Variants in PTPRD observed in about 807,000 individuals in gnomAD.
The protein encoded by PTPRD is protein tyrosine phosphatase receptor type D, also known as receptor-type tyrosine-protein phosphatase delta.
PTPRD carries 34 observed loss-of-function variants against 214.5 expected under a neutral mutation model. The observed-to-expected ratio is 0.16, with a 90% CI of 0.12 to 0.21. The LOEUF is 0.21. PTPRD is among the 10% of genes least tolerant of loss of function. PTPRD has a pLI of 1.00. For synonymous variants in PTPRD, 1,128 were observed against 845.7 expected, an observed-to-expected ratio of 1.33 and a Z score of -5.79; for missense variants, 2,545 against 2,398.7, an observed-to-expected ratio of 1.06 and a Z score of -1.27.
At chr9:10,544,504 C>A (rs954804073) in intron 2 of PTPRD, among the ~76,000 whole-genome samples, 22 of 152,040 alleles carry the variant, frequency 1.4e-4, no homozygotes, top group Non-Finnish European at 2.9e-4. Flanking sequence ...TTAAATGTCT[C>A]TCAATAATGG....
chr9:9,720,719 A>G (rs941454567), intron 7 of PTPRD, among the ~76,000 whole-genome samples: 7 of 152,204 alleles, frequency 4.6e-5, no homozygotes, highest in African/African-American at 1.7e-4. Flanking sequence ...ACTATTCACA[A>G]TAGCAAAGAT....
chr9:9,654,740 A>T (rs1305599048), intron 7 of PTPRD, among the ~76,000 whole-genome samples: 1 of 152,180 alleles, frequency 6.6e-6, no homozygotes, highest in Non-Finnish European at 1.5e-5. Context: ...TTGTCAATTG[A>T]TATCTGCATA....
intron 3 of PTPRD, among the ~76,000 whole-genome samples, chr9:10,143,025 CA>C (rs36127359): frequency 6.6e-6 from 1 of 151,468 alleles, no homozygotes; most frequent in Non-Finnish European, 1.5e-5. Flanking sequence ...ATCACAAGGA[CA>C]AAAAACCAAA....
chr9:8,782,630 C>T (rs1246275125), intron 11 of PTPRD, among the ~76,000 whole-genome samples: 1 of 150,424 alleles, frequency 6.6e-6, no homozygotes, highest in Middle Eastern at 3.2e-3. Context: ...CGGAGTCTCG[C>T]CCCGTTGCCC....
intron 5 of PTPRD, among the ~76,000 whole-genome samples, chr9:9,834,798 C>T (rs545443103): frequency 1.3e-5 from 2 of 152,064 alleles, no homozygotes; most frequent in African/African-American, 4.8e-5. Context: ...AAGATAGCTG[C>T]TAAAGAGGGA....
intron 7 of PTPRD, among the ~76,000 whole-genome samples, chr9:9,611,472 T>C (rs888942352): frequency 5.9e-5 from 9 of 152,116 alleles, no homozygotes; most frequent in African/African-American, 2.2e-4. Flanking sequence ...TATATGTCAA[T>C]AACATCATCT....
intron 39 of PTPRD, among the ~76,000 whole-genome samples, chr9:8,363,630 C>A (rs186659166): frequency 6.6e-6 from 1 of 152,272 alleles, no homozygotes; most frequent in Admixed American, 6.5e-5. Flanking sequence ...ATTCACATTG[C>A]ACTTAACTGG....
intron 3 of PTPRD, among the ~76,000 whole-genome samples, chr9:10,107,280 A>G (rs1591362934): frequency 6.6e-6 from 1 of 152,054 alleles, no homozygotes; most frequent in Admixed American, 6.6e-5. Flanking sequence ...GAATCTAAGA[A>G]ATCTAATGAA....
chr9:8,472,169 T>C (rs914560382), intron 30 of PTPRD, among the ~76,000 whole-genome samples: 1 of 152,194 alleles, frequency 6.6e-6, no homozygotes, highest in Non-Finnish European at 1.5e-5. Flanking sequence ...TTTATCTTAA[T>C]GGTGGCAGTG....
intron 12 of PTPRD, among the ~76,000 whole-genome samples, chr9:8,642,273 A>G (rs990957629): frequency 6.6e-6 from 1 of 152,230 alleles, no homozygotes; most frequent in African/African-American, 2.4e-5. Context: ...GTGGACATCA[A>G]GAAAATATGT....
intron 11 of PTPRD, among the ~76,000 whole-genome samples, chr9:8,900,850 T>C (rs1244050047): frequency 6.6e-6 from 1 of 152,206 alleles, no homozygotes. Flanking sequence ...CAATGCTTTT[T>C]AGTAGGCATA....
chr9:9,159,959 T>A (rs2099885003), intron 10 of PTPRD, among the ~76,000 whole-genome samples: 1 of 152,164 alleles, frequency 6.6e-6, no homozygotes, highest in Non-Finnish European at 1.5e-5. Context: ...AGAGAAGGGA[T>A]AGCCTTTTCC....
At chr9:10,074,946 G>A (rs1002622394) in intron 3 of PTPRD, among the ~76,000 whole-genome samples, 3 of 152,098 alleles carry the variant, frequency 2.0e-5, no homozygotes, top group African/African-American at 7.2e-5. Flanking sequence ...ATATTACTTA[G>A]TCAAACGATT....
At chr9:9,509,445 A>G (rs1035811204) in intron 8 of PTPRD, among the ~76,000 whole-genome samples, 4 of 151,412 alleles carry the variant, frequency 2.6e-5, no homozygotes, top group African/African-American at 7.3e-5. Context: ...TTACTAGATC[A>G]TCACAACTGG....
intron 39 of PTPRD, among the ~76,000 whole-genome samples, chr9:8,373,848 GTGTA>G (rs1374891998): frequency 8.7e-6 from 1 of 115,498 alleles, no homozygotes; most frequent in Non-Finnish European, 1.7e-5. Flanking sequence ...ATGTATGTAT[GTGTA>G]TGTGTCTGTC....
chr9:9,279,746 T>C (rs1157413712), intron 9 of PTPRD, among the ~76,000 whole-genome samples: 1 of 150,954 alleles, frequency 6.6e-6, no homozygotes, highest in African/African-American at 2.4e-5. Context: ...AACCCTGGAG[T>C]AACTACAAAT....
intron 32 of PTPRD, among the ~76,000 whole-genome samples, chr9:8,463,308 CAAAAAAAA>C (rs71308864): frequency 6.9e-5 from 2 of 28,850 alleles, no homozygotes; most frequent in African/African-American, 2.0e-4. Context: ...CAGAGGCAGC[CAAAAAAAA>C]AAAAAAAAAA....
chr9:10,190,410 A>C (rs1324052202), intron 3 of PTPRD, among the ~76,000 whole-genome samples: 31 of 95,342 alleles, frequency 3.3e-4, no homozygotes, highest in East Asian at 1.0e-3. Context: ...AAAAAAAAAA[A>C]AAAAAAAAAA....
chr9:9,832,409 T>C (rs4742627), intron 5 of PTPRD, among the ~76,000 whole-genome samples: 24,592 of 151,978 alleles, frequency 0.16, 2,081 homozygotes, highest in Non-Finnish European at 0.19. Flanking sequence ...AAGTTCTATA[T>C]AGCAGATATT....
Sources: gnomAD v4.1 joint callset for allele counts (sites outside exome capture counted in the v4.1 genomes callset) on GRCh38, gnomAD v4.1.1 for gene constraint, MANE v1.5 for transcripts, NCBI Gene and HGNC (gene_info 2026-07-23, HGNC 2026-07-21) for gene names.